The following FGF14 variants were observed in gnomAD, a reference collection of about 807,000 sequenced individuals.
FGF14 encodes fibroblast growth factor 14, also known as fibroblast growth factor homologous factor 4.
In FGF14, 5 loss-of-function variants were observed where a neutral mutation model predicts 25.5. The ratio of observed to expected loss-of-function variants is 0.20; its 90% CI spans 0.10 to 0.41. FGF14 has a LOEUF of 0.41. Among genes scored for constraint, FGF14 ranks in the 10% least tolerant of loss-of-function variants. FGF14 has a pLI of 1.00. For synonymous variants in FGF14, 138 were observed against 118.3 expected (o/e 1.17, Z -1.08); for missense variants, 222 against 320.1 (o/e 0.69, Z 2.34).
chr13:102,320,877 C>G (rs1054405023), intron 1 of FGF14, among the ~76,000 whole-genome samples: 1 of 152,094 alleles, frequency 6.6e-6, no homozygotes, highest in Non-Finnish European at 1.5e-5. Context: ...TTCCTTCATC[C>G]CTCCCATTCA....
At chr13:101,929,903 G>A (rs1003261802) in intron 1 of FGF14, among the ~76,000 whole-genome samples, 2 of 152,148 alleles carry the variant, frequency 1.3e-5, no homozygotes, top group African/African-American at 4.8e-5. Context: ...ATAGAAGGAT[G>A]ACTTTGTTTT....
At chr13:101,876,604 C>T (rs1364522649) in intron 1 of FGF14, among the ~76,000 whole-genome samples, 1 of 152,062 alleles carries the variant, frequency 6.6e-6, no homozygotes, top group African/African-American at 2.4e-5. Flanking sequence ...TTGGAAAAAT[C>T]CTTTTGGAAA....
At chr13:102,329,750 C>T (rs181375793) in intron 1 of FGF14, among the ~76,000 whole-genome samples, 2 of 152,070 alleles carry the variant, frequency 1.3e-5, no homozygotes, top group African/African-American at 4.8e-5. Flanking sequence ...CAGATCAACA[C>T]CTCCTGTTTT....
intron 1 of FGF14, among the ~76,000 whole-genome samples, chr13:102,203,404 C>G (rs184237193): frequency 2.0e-5 from 3 of 152,222 alleles, no homozygotes; most frequent in Admixed American, 1.3e-4. Context: ...ATTAGCGCAA[C>G]TATAGAACTA....
At chr13:101,914,231 G>A (rs998942498) in intron 1 of FGF14, among the ~76,000 whole-genome samples, 4 of 150,826 alleles carry the variant, frequency 2.7e-5, no homozygotes, top group African/African-American at 4.9e-5. Flanking sequence ...TAATATAAAA[G>A]CATACTATTA....
intron 1 of FGF14, among the ~76,000 whole-genome samples, chr13:102,332,982 C>T (rs2056679064): frequency 6.6e-6 from 1 of 152,084 alleles, no homozygotes; most frequent in Non-Finnish European, 1.5e-5. Flanking sequence ...TGAGAATTAA[C>T]TTAAAGGAGA....
intron 1 of FGF14, among the ~76,000 whole-genome samples, chr13:101,934,039 A>C (rs1251957115): frequency 6.6e-6 from 1 of 152,162 alleles, no homozygotes; most frequent in African/African-American, 2.4e-5. Context: ...TCTTGTATTC[A>C]ATTTGGTTAA....
chr13:102,075,700 C>T (rs2043332485), intron 1 of FGF14, among the ~76,000 whole-genome samples: 1 of 152,092 alleles, frequency 6.6e-6, no homozygotes, highest in Non-Finnish European at 1.5e-5. Flanking sequence ...CAGGGGAGTC[C>T]TTCAGGAGGT....
intron 1 of FGF14, among the ~76,000 whole-genome samples, chr13:102,267,738 A>G (rs546249569): frequency 4.6e-4 from 70 of 152,284 alleles, no homozygotes; most frequent in Non-Finnish European, 9.4e-4. Context: ...ACCAAATGTA[A>G]ATGTTATAAT....
intron 1 of FGF14, among the ~76,000 whole-genome samples, chr13:102,156,072 C>T (rs959888688): frequency 4.6e-5 from 7 of 152,130 alleles, no homozygotes; most frequent in Non-Finnish European, 1.0e-4. Context: ...CTGAATTCTA[C>T]CAGAGGTACA....
At chr13:102,193,996 ACAATTATTT>A (rs1219853588) in intron 1 of FGF14, among the ~76,000 whole-genome samples, 6 of 152,176 alleles carry the variant, frequency 3.9e-5, no homozygotes, top group African/African-American at 1.4e-4. Context: ...TAAAGCCATT[ACAATTATTT>A]TCAAAGACCA....
chr13:102,060,764 G>A (rs1203000372), intron 1 of FGF14, among the ~76,000 whole-genome samples: 1 of 152,146 alleles, frequency 6.6e-6, no homozygotes, highest in African/African-American at 2.4e-5. Flanking sequence ...CTCCACCCTC[G>A]GGCCTGTGCC....
rs1298317609 is a variant in FGF14 at position 102,128,714 on chromosome 13, G to A, written c.209-253418C>T. ...AAAGTGCTGTCTTCTGAAGAGAAGT[G>A]ATTTATGTTGGAAAAGGTTAATGGC... On this transcript the variant is annotated intron_variant, in intron 1 of 4. Coordinates refer to the FGF14 transcript ENST00000376131. Among the ~76,000 whole-genome samples, 3 of 152,162 alleles carry A rather than the reference G, an allele frequency of 2.0e-5. No individual in the cohort carries two copies. In the East Asian group the frequency reaches 5.8e-4, roughly 29 times the overall value.
chr13:102,259,745 T>A (rs1454224110), intron 1 of FGF14, among the ~76,000 whole-genome samples: 4 of 152,162 alleles, frequency 2.6e-5, no homozygotes, highest in Non-Finnish European at 5.9e-5. Flanking sequence ...GAGTTATAGA[T>A]AAAGATAAAG....
intron 1 of FGF14, among the ~76,000 whole-genome samples, chr13:102,260,315 T>A (rs1566874145): frequency 6.6e-6 from 1 of 152,214 alleles, no homozygotes; most frequent in East Asian, 1.9e-4. Context: ...TCGCCACTGA[T>A]CTTGGAAACC....
At chr13:102,235,769 ACT>A (rs1250986269) in intron 1 of FGF14, among the ~76,000 whole-genome samples, 1 of 152,054 alleles carries the variant, frequency 6.6e-6, no homozygotes, top group Non-Finnish European at 1.5e-5. Context: ...AACCAGAGTG[ACT>A]CTATCTTGAA....
intron 2 of FGF14, among the ~76,000 whole-genome samples, chr13:101,870,574 G>A (rs2045002166): frequency 6.6e-6 from 1 of 152,072 alleles, no homozygotes; most frequent in South Asian, 2.1e-4. Flanking sequence ...ATGTGGTTAT[G>A]GGAAACATAA....
chr13:102,133,664 T>C (rs2046294744), intron 1 of FGF14, among the ~76,000 whole-genome samples: 1 of 152,254 alleles, frequency 6.6e-6, no homozygotes, highest in Admixed American at 6.5e-5. Context: ...TTTAGATCAA[T>C]TGTTAACCGA....
chr13:102,263,212 A>C, intron 1 of FGF14: 2 of 527,632 alleles, frequency 3.8e-6, no homozygotes, highest in Admixed American at 4.6e-5. Flanking sequence ...ACATGGCGAG[A>C]AGCGCAGTCA....
Sources: gnomAD v4.1 joint callset for allele counts (sites outside exome capture counted in the v4.1 genomes callset) on GRCh38, gnomAD v4.1.1 for gene constraint, MANE v1.5 for transcripts, NCBI Gene and HGNC (gene_info 2026-07-23, HGNC 2026-07-21) for gene names.